The following FAM135B variants were observed in gnomAD, a reference collection of about 807,000 sequenced individuals.
FAM135B encodes protein FAM135B.
FAM135B carries 43 observed loss-of-function variants against 127.7 expected under a neutral mutation model. The ratio of observed to expected loss-of-function variants is 0.34; its 90% confidence interval spans 0.26 to 0.43. FAM135B has a LOEUF of 0.43. Among genes scored for constraint, FAM135B ranks in the 20% least tolerant of loss-of-function variants. The pLI, the probability that FAM135B is intolerant of heterozygous loss-of-function variation, is 1.00. For synonymous variants in FAM135B, 670 were observed against 665.1 expected (o/e 1.01, Z -0.11); for missense variants, 1,558 against 1,725.6 (o/e 0.90, Z 1.72).
intron 2 of FAM135B, among the ~76,000 whole-genome samples, chr8:138,320,206 T>C (rs1261353810): frequency 2.0e-5 from 3 of 152,206 alleles, no homozygotes; most frequent in Non-Finnish European, 1.5e-5. Context: ...GCAGTAATTG[T>C]AAACTAATGA....
chr8:138,470,343 ATTCTC>A (rs1453566546), intron 1 of FAM135B, among the ~76,000 whole-genome samples: 1 of 152,226 alleles, frequency 6.6e-6, no homozygotes, highest in Non-Finnish European at 1.5e-5. Context: ...TAGATATTAT[ATTCTC>A]TGTACATTTT....
At chr8:138,297,231 G>A (rs145001931) in intron 3 of FAM135B, among the ~76,000 whole-genome samples, 144 of 152,306 alleles carry the variant, frequency 9.5e-4, no homozygotes, top group African/African-American at 3.0e-3. Flanking sequence ...AGTCCATGAC[G>A]GTGAGAAGGA....
chr8:138,366,705 A>C (rs565710120), intron 2 of FAM135B, among the ~76,000 whole-genome samples: 1 of 152,158 alleles, frequency 6.6e-6, no homozygotes, highest in Admixed American at 6.5e-5. Context: ...GAAGCATTAA[A>C]CTCAGGGTTG....
rs572909618 is a variant in FAM135B at position 138,299,160 on chromosome 8, C to T, written c.157+11681G>A. 9.9e-5 allele frequency among the ~76,000 whole-genome samples: 15 copies of T among 151,592 alleles called. No individual in the cohort carries two copies. In the South Asian group the frequency reaches 3.1e-3, roughly 32 times the overall value. ...ACTCTAACTTTTGGTGATCCCGCTT[C>T]CTAGCAATTATATTAAAATATACCC... On this transcript the variant is annotated intron_variant, in intron 3 of 19. Transcript: ENST00000395297.
chr8:138,177,184 A>T (rs1814551319), intron 11 of FAM135B, among the ~76,000 whole-genome samples, 163 bp downstream of exon 11: 1 of 152,194 alleles, frequency 6.6e-6, no homozygotes, highest in Non-Finnish European at 1.5e-5. Context: ...CCCACTCTGC[A>T]ATCTGTCTGA....
intron 9 of FAM135B, among the ~76,000 whole-genome samples, chr8:138,188,231 T>C (rs1483088785): frequency 6.6e-6 from 1 of 152,176 alleles, no homozygotes; most frequent in Non-Finnish European, 1.5e-5. Context: ...GCTTCCTGAG[T>C]TCTCTGAGCC....
chr8:138,299,670 C>T (rs1379939935), intron 3 of FAM135B, among the ~76,000 whole-genome samples: 3 of 152,076 alleles, frequency 2.0e-5, no homozygotes, highest in African/African-American at 4.8e-5. Context: ...AATTGAATTT[C>T]CTCAAAATGA....
At chr8:138,376,677 C>G (rs1360485374) in intron 1 of FAM135B, among the ~76,000 whole-genome samples, 1 of 152,230 alleles carries the variant, frequency 6.6e-6, no homozygotes, top group Non-Finnish European at 1.5e-5. Flanking sequence ...GATTCCATCT[C>G]TGTACAAAGT....
At chr8:138,418,904 A>C (rs1834327340) in intron 1 of FAM135B, among the ~76,000 whole-genome samples, 1 of 151,430 alleles carries the variant, frequency 6.6e-6, no homozygotes, top group Non-Finnish European at 1.5e-5. Flanking sequence ...AAAAAAACAT[A>C]CTTAAGCACA....
chr8:138,430,902 T>G (rs1300631442), intron 1 of FAM135B, among the ~76,000 whole-genome samples: 1 of 152,204 alleles, frequency 6.6e-6, no homozygotes, highest in Non-Finnish European at 1.5e-5. Flanking sequence ...AGCCTCAGTT[T>G]CCTCATCCCT....
chr8:138,395,788 T>C (rs1412136634), intron 1 of FAM135B, among the ~76,000 whole-genome samples: 5 of 152,222 alleles, frequency 3.3e-5, no homozygotes, highest in African/African-American at 4.8e-5. Context: ...TTAACAAAGG[T>C]AGGACATTAG....
intron 1 of FAM135B, among the ~76,000 whole-genome samples, chr8:138,458,562 G>C (rs558569522): frequency 6.6e-6 from 1 of 152,306 alleles, no homozygotes; most frequent in African/African-American, 2.4e-5. Flanking sequence ...CATGTGTCCA[G>C]AGAATTCCAT....
intron 6 of FAM135B, among the ~76,000 whole-genome samples, chr8:138,248,091 T>C (rs1302966257): frequency 6.6e-6 from 1 of 152,200 alleles, no homozygotes; most frequent in Non-Finnish European, 1.5e-5. Context: ...ATCGACTGAA[T>C]GAATGGCCAA....
At chr8:138,455,305 G>T (rs1179129977) in intron 1 of FAM135B, among the ~76,000 whole-genome samples, 2 of 152,126 alleles carry the variant, frequency 1.3e-5, no homozygotes, top group Non-Finnish European at 2.9e-5. Flanking sequence ...GGGACCTTGG[G>T]TTGCACAATT....
At chr8:138,377,238 T>C (rs140974521) in intron 1 of FAM135B, among the ~76,000 whole-genome samples, 129 of 152,322 alleles carry the variant, frequency 8.5e-4, no homozygotes, top group African/African-American at 3.1e-3. Context: ...AGGGAAAACA[T>C]TACTGTTCTC....
At position 138,407,390 on chromosome 8, in the gene FAM135B, T is replaced by A. The variant is rs199626759; in HGVS notation, c.-19-39388A>T. Among the ~76,000 whole-genome samples the A allele has an allele frequency of 5.7e-3, 871 of 152,228 alleles. 5 individuals carry two copies. The highest frequency in any genetic ancestry group is 0.019 in the African/African-American group (776 of 41,540). On this transcript the variant is annotated intron_variant, in intron 1 of 19. Transcript: ENST00000395297. ...TCAAGCTACCAATGACTTTCTTCACTGAATTGGAAAAAACTACTTTAAAGT... is the reference window on the plus strand; with the variant it reads ...TCAAGCTACCAATGACTTTCTTCACAGAATTGGAAAAAACTACTTTAAAGT...
At chr8:138,353,786 T>G (rs1025522803) in intron 2 of FAM135B, among the ~76,000 whole-genome samples, 1 of 109,868 alleles carries the variant, frequency 9.1e-6, no homozygotes, top group African/African-American at 2.6e-5. Flanking sequence ...CACACACCTG[T>G]GCTAGTGTTG....
intron 1 of FAM135B, among the ~76,000 whole-genome samples, chr8:138,420,380 GC>G (rs1834421612): frequency 6.6e-6 from 1 of 151,870 alleles, no homozygotes; most frequent in African/African-American, 2.4e-5. Context: ...ATCATAAAAA[GC>G]CCTGGATCAG....
chr8:138,301,744 C>CA (rs921430274), intron 3 of FAM135B, among the ~76,000 whole-genome samples: 3 of 152,132 alleles, frequency 2.0e-5, no homozygotes, highest in Admixed American at 2.0e-4. Context: ...ATCAAAAGAA[C>CA]AAAAAAGCTT....
Sources: gnomAD v4.1 joint callset for allele counts (sites outside exome capture counted in the v4.1 genomes callset) on GRCh38, gnomAD v4.1.1 for gene constraint, MANE v1.5 for transcripts, NCBI Gene and HGNC (gene_info 2026-07-23, HGNC 2026-07-21) for gene names.